CYP19A1: variants seen among roughly 807,000 people sequenced by gnomAD.
CYP19A1 encodes the protein cytochrome P450 family 19 subfamily A member 1, also known as aromatase.
In CYP19A1, 32 loss-of-function variants were observed where a neutral mutation model predicts 44.4. That is an observed-to-expected ratio of 0.72 (90% CI 0.54 to 0.97). The LOEUF (loss-of-function observed/expected upper bound fraction) is 0.97. CYP19A1 is among the 50% of genes least tolerant of loss of function. The pLI, the probability that CYP19A1 is intolerant of heterozygous loss-of-function variation, is 0.00. For synonymous variants in CYP19A1, 212 were observed against 215.6 expected (o/e 0.98, Z 0.14); for missense variants, 598 against 637.8 (o/e 0.94, Z 0.67).
At chr15:51,220,331 T>C (rs1262698742) in intron 5 of CYP19A1, among the ~76,000 whole-genome samples, 1 of 152,222 alleles carries the variant, frequency 6.6e-6, no homozygotes, top group African/African-American at 2.4e-5. Flanking sequence ...TATTATTGCC[T>C]AATATTTTAT....
intron 1 of CYP19A1, among the ~76,000 whole-genome samples, chr15:51,268,945 C>T (rs900658791): frequency 5.9e-5 from 9 of 151,978 alleles, no homozygotes; most frequent in Admixed American, 2.6e-4. Context: ...ATTCTGGATT[C>T]GAGTTGTCTG....
chr15:51,243,855 A>G (rs1293016760), intron 1 of CYP19A1, among the ~76,000 whole-genome samples: 2 of 152,234 alleles, frequency 1.3e-5, no homozygotes, highest in Non-Finnish European at 2.9e-5. Flanking sequence ...CTTTTCAGCC[A>G]GGTTTTGTAA....
chr15:51,239,235 G>C (rs1289578585), intron 2 of CYP19A1, among the ~76,000 whole-genome samples: 1 of 152,148 alleles, frequency 6.6e-6, no homozygotes, highest in Non-Finnish European at 1.5e-5. Context: ...TACAGAGACA[G>C]CCTCCTTGGA....
Position 51,231,055 on chromosome 15 carries a change from A to G in CYP19A1, c.297-3122T>C, listed in dbSNP as rs1448057510. Reference sequence around the variant, plus strand: ...TCTAGGTGACTACAAGAGATAAACAATCTTTATAACAGAGGAATCTCACTG... The same window carrying G: ...TCTAGGTGACTACAAGAGATAAACAGTCTTTATAACAGAGGAATCTCACTG... On this transcript the variant is annotated intron_variant, in intron 3 of 9. Transcript: ENST00000396402. Among the ~76,000 whole-genome samples the G allele has an allele frequency of 4.6e-5, 7 of 152,202 alleles. No individual in the cohort carries two copies. In the East Asian group the frequency reaches 9.6e-4, roughly 21 times the overall value.
At chr15:51,258,936 A>T (rs1301788788) in intron 1 of CYP19A1, among the ~76,000 whole-genome samples, 2 of 152,240 alleles carry the variant, frequency 1.3e-5, no homozygotes, top group African/African-American at 4.8e-5. Context: ...CACATTCGAC[A>T]AAAGCTTGAG....
intron 2 of CYP19A1, among the ~76,000 whole-genome samples, chr15:51,239,854 T>C (rs1414648416): frequency 1.3e-5 from 2 of 152,068 alleles, no homozygotes; most frequent in East Asian, 1.9e-4. Flanking sequence ...TTGCCATGCT[T>C]TTCTCCCCCC....
intron 1 of CYP19A1, among the ~76,000 whole-genome samples, chr15:51,253,441 C>T (rs769216440): frequency 1.3e-5 from 2 of 152,086 alleles, no homozygotes. Context: ...GTGGGGTAGT[C>T]GTGTAGCTCC....
chr15:51,321,507 C>T (rs929536217), intron 1 of CYP19A1: 4 of 152,218 alleles, frequency 2.6e-5, no homozygotes, highest in African/African-American at 9.7e-5. Flanking sequence ...GTTCATCCAC[C>T]CCCTCTGGCC....
rs28757189 is a variant in CYP19A1, at chr15:51,219,100, A to G, written c.629-445T>C. Among the ~76,000 whole-genome samples the G allele has an allele frequency of 8.1e-3, 1,235 of 152,348 alleles. 16 individuals carry two copies. Among genetic ancestry groups the G allele is most frequent in the Admixed American group, 0.018 (272 of 15,302 alleles). ...TTTTAACTTCATTTGGTGCTGGGTA[A>G]GCAGAGCCATGAAGTGGACAGTTTA... On this transcript the variant is annotated intron_variant, in intron 5 of 9. Coordinates refer to ENST00000396402, the MANE Select transcript of CYP19A1 (RefSeq NM_000103.4).
Position 51,227,882 on chromosome 15 carries a change from G to A in CYP19A1, c.348C>T (p.Phe116=), listed in dbSNP as rs773312519. The A allele has an allele frequency of 1.3e-5, 20 of 1,579,950 alleles. No individual in the cohort carries two copies. Among genetic ancestry groups the A allele is most frequent in the African/African-American group, 2.7e-5 (2 of 74,166 alleles). ...TGCACTGCAGCCCAAGTTTGCTGCC[G>A]AATCGAGAGCTGTAATGATTGTGCT... ...IMKHNHYSSR[F]GSKLGLQCIG... is the part of the protein sequence containing the mutation. Residue 116 remains phenylalanine (F), a synonymous_variant, in exon 4 of 10, where the codon TTC becomes TTT. Transcript: ENST00000396402.
chr15:51,284,973 C>T (rs1362714508), intron 1 of CYP19A1, among the ~76,000 whole-genome samples: 1 of 152,150 alleles, frequency 6.6e-6, no homozygotes, highest in African/African-American at 2.4e-5. Flanking sequence ...TCTGTGCCTT[C>T]TATTAGAAGG....
At chr15:51,247,319 C>G (rs1309373056) in intron 1 of CYP19A1, among the ~76,000 whole-genome samples, 2 of 152,154 alleles carry the variant, frequency 1.3e-5, no homozygotes, top group African/African-American at 4.8e-5. Flanking sequence ...CCCTTCTTGC[C>G]TCTGTCTTCT....
rs2034399890 is a variant in CYP19A1, at chr15:51,253,397, A to G, written c.-38-10447T>C. On this transcript the variant is annotated intron_variant, in intron 1 of 9. Transcript: ENST00000396402. ...GCTATATGCCTTTGAAAAGGTTACT[A>G]TATCTGTCTTGAGAACATGGAGCAG... Among the ~76,000 whole-genome samples the G allele has an allele frequency of 3.9e-5, 6 of 152,290 alleles. 1 individual carries two copies. In the South Asian group the frequency reaches 1.2e-3, roughly 32 times the overall value.
At chr15:51,215,491 C>T (rs1229541045) in intron 7 of CYP19A1, among the ~76,000 whole-genome samples, 1 of 152,208 alleles carries the variant, frequency 6.6e-6, no homozygotes, top group African/African-American at 2.4e-5. Context: ...AGAAGAGTCA[C>T]AATCTTAGCA....
chr15:51,278,265 A>G (rs1309022589), intron 1 of CYP19A1: 1 of 152,218 alleles, frequency 6.6e-6, no homozygotes, highest in Non-Finnish European at 1.5e-5. Context: ...TGGCTTTTGT[A>G]ATAGATCGTA....
chr15:51,224,368 A>C (rs997770629), intron 4 of CYP19A1, among the ~76,000 whole-genome samples: 18 of 152,232 alleles, frequency 1.2e-4, no homozygotes, highest in Admixed American at 1.2e-3. Context: ...CATTGATTAT[A>C]GAAATGTCAG....
chr15:51,229,010 T>G (rs998386356), intron 3 of CYP19A1, among the ~76,000 whole-genome samples: 1 of 152,186 alleles, frequency 6.6e-6, no homozygotes, highest in Non-Finnish European at 1.5e-5. Flanking sequence ...AAGGATACTT[T>G]TGCCTTAATG....
intron 4 of CYP19A1, among the ~76,000 whole-genome samples, chr15:51,223,611 A>T (rs1329264786): frequency 1.3e-5 from 2 of 150,096 alleles, no homozygotes; most frequent in Non-Finnish European, 1.5e-5. Flanking sequence ...ACACACACAC[A>T]CACACACACA....
At chr15:51,327,362 G>A (rs1289496995) in intron 1 of CYP19A1, among the ~76,000 whole-genome samples, 1 of 152,160 alleles carries the variant, frequency 6.6e-6, no homozygotes, top group African/African-American at 2.4e-5. Flanking sequence ...AAAACACAAA[G>A]CAGTCTCCTG....
Sources: allele counts gnomAD v4.1 joint callset (sites outside exome capture counted in the v4.1 genomes callset), GRCh38; gene constraint gnomAD v4.1.1; transcripts MANE v1.5; gene names NCBI Gene and HGNC (gene_info 2026-07-23, HGNC 2026-07-21).